Variants in ROBO1 observed in about 807,000 individuals in gnomAD.
The protein encoded by ROBO1 is roundabout guidance receptor 1.
ROBO1 carries 149 observed loss-of-function variants against 195.9 expected under a neutral mutation model. The ratio of observed to expected loss-of-function variants is 0.76; its 90% CI spans 0.67 to 0.87. The LOEUF (loss-of-function observed/expected upper bound fraction) is 0.87, where lower values mean the gene tolerates loss of function less well. Among genes scored for constraint, ROBO1 ranks in the 40% least tolerant of loss-of-function variants. The pLI, the probability that ROBO1 is intolerant of heterozygous loss-of-function variation, is 0.00. For synonymous variants in ROBO1, 816 were observed against 733.2 expected, an observed-to-expected ratio of 1.11 and a Z score of -1.82; for missense variants, 1,933 against 2,068.3, an observed-to-expected ratio of 0.93 and a Z score of 1.27.
intron 5 of ROBO1, among the ~76,000 whole-genome samples, chr3:78,723,548 T>C (rs766880965): frequency 3.9e-5 from 6 of 152,196 alleles, no homozygotes; most frequent in Non-Finnish European, 7.3e-5. Flanking sequence ...TAGATCATTA[T>C]TATTTCCTCC....
At chr3:79,486,127 G>A (rs1939146621) in intron 2 of ROBO1, among the ~76,000 whole-genome samples, 1 of 152,042 alleles carries the variant, frequency 6.6e-6, no homozygotes. Flanking sequence ...TAACCTTAAA[G>A]ATTCAATAAA....
chr3:78,738,877 C>T (rs2082456274), intron 5 of ROBO1, among the ~76,000 whole-genome samples: 1 of 152,088 alleles, frequency 6.6e-6, no homozygotes, highest in Non-Finnish European at 1.5e-5. Context: ...AAAATAGTTA[C>T]TGATTGGATA....
chr3:79,680,620 T>C (rs542141982), intron 1 of ROBO1, among the ~76,000 whole-genome samples: 1 of 152,154 alleles, frequency 6.6e-6, no homozygotes, highest in East Asian at 1.9e-4. Flanking sequence ...CTGGGTGTTT[T>C]TCATCCAAGC....
chr3:79,328,950 G>A (rs1424944902), intron 2 of ROBO1, among the ~76,000 whole-genome samples: 1 of 152,130 alleles, frequency 6.6e-6, no homozygotes, highest in Non-Finnish European at 1.5e-5. Context: ...CAAACTGAAT[G>A]AGGTTTGAGA....
rs370814223 is a variant in ROBO1 at position 78,720,421 on chromosome 3, G to A, written c.658-2538C>T. Among the ~76,000 whole-genome samples the A allele has an allele frequency of 1.1e-4, 17 of 152,238 alleles. No individual in the cohort carries two copies. In the East Asian group the frequency reaches 1.9e-3, roughly 17 times the overall value. Reference sequence around the variant, plus strand: ...ACCATCTCACACCAGTTAGAATGGCGATCATTAAAAAGTCAGGAAACAACA... The same window carrying A: ...ACCATCTCACACCAGTTAGAATGGCAATCATTAAAAAGTCAGGAAACAACA... On this transcript the variant is annotated intron_variant, in intron 5 of 30. Transcript: ENST00000464233.
chr3:79,200,836 A>G (rs1433138977), intron 2 of ROBO1, among the ~76,000 whole-genome samples: 1 of 152,000 alleles, frequency 6.6e-6, no homozygotes, highest in Non-Finnish European at 1.5e-5. Flanking sequence ...AATCTTTTGT[A>G]GTTATAGTTA....
At chr3:78,898,332 T>TAG (rs2037365460) in intron 4 of ROBO1, among the ~76,000 whole-genome samples, 1 of 147,892 alleles carries the variant, frequency 6.8e-6, no homozygotes, top group South Asian at 2.1e-4. Context: ...ACTATATATA[T>TAG]AGAGAGAGAG....
At chr3:78,868,426 T>A (rs1474668736) in intron 4 of ROBO1, among the ~76,000 whole-genome samples, 1 of 152,140 alleles carries the variant, frequency 6.6e-6, no homozygotes, top group Non-Finnish European at 1.5e-5. Flanking sequence ...AATACCCTAC[T>A]TAAATAATAA....
At chr3:78,608,478 A>T (rs1240782989) in intron 28 of ROBO1, among the ~76,000 whole-genome samples, 2 of 152,114 alleles carry the variant, frequency 1.3e-5, no homozygotes, top group East Asian at 1.9e-4. Context: ...TCTAGAAAAA[A>T]TTTTTTTAAT....
At chr3:79,426,282 G>A (rs1166752507) in intron 2 of ROBO1, among the ~76,000 whole-genome samples, 6 of 152,060 alleles carry the variant, frequency 3.9e-5, no homozygotes, top group Non-Finnish European at 8.8e-5. Flanking sequence ...CATAATATAC[G>A]CAAGTCCAGG....
intron 1 of ROBO1, among the ~76,000 whole-genome samples, chr3:79,677,642 C>T (rs543615055): frequency 1.3e-5 from 2 of 152,120 alleles, no homozygotes; most frequent in South Asian, 2.1e-4. Flanking sequence ...GGACATGGGG[C>T]GAAACCATAT....
rs143656069 is a variant in ROBO1 at position 79,152,053 on chromosome 3, G to C, written c.89-26514C>G. ...TATTAAGTGATGTCTCCTTTCACTG[G>C]AATATAAACTTCGTAAGAACAAGGC... On this transcript the variant is annotated intron_variant, in intron 2 of 30. Coordinates refer to ENST00000464233, the MANE Select transcript of ROBO1 (RefSeq NM_002941.4). Among the ~76,000 whole-genome samples the C allele has an allele frequency of 3.6e-4, 55 of 151,656 alleles. 1 individual carries two copies. The highest frequency in any genetic ancestry group is 7.2e-4 in the Admixed American group (11 of 15,192).
rs570052286 is a variant in ROBO1, at chr3:79,055,127, C to T, written c.172+70329G>A. Among the ~76,000 whole-genome samples the T allele has an allele frequency of 5.5e-4, 84 of 152,196 alleles. 1 individual carries two copies. In the South Asian group the frequency reaches 0.017, roughly 31 times the overall value. ...TGGGCCTGGTGTTAGGTGGGGCATC[C>T]ACCTCTGCTAAAGGAATCACCATTC... On this transcript the variant is annotated intron_variant, in intron 3 of 30. Coordinates refer to ENST00000464233, the MANE Select transcript of ROBO1 (RefSeq NM_002941.4).
intron 4 of ROBO1, among the ~76,000 whole-genome samples, chr3:78,936,080 C>T (rs550187415): frequency 1.3e-5 from 2 of 152,020 alleles, no homozygotes; most frequent in East Asian, 1.9e-4. Context: ...AATAAATAAT[C>T]CCCCAAATAA....
chr3:79,588,876 T>G, intron 2 of ROBO1, among the ~76,000 whole-genome samples: 1 of 151,740 alleles, frequency 6.6e-6, no homozygotes, highest in Non-Finnish European at 1.5e-5. Flanking sequence ...CTCCCTTATC[T>G]TCTAGGTCAA....
chr3:78,772,295 T>G (rs545313850), intron 4 of ROBO1, among the ~76,000 whole-genome samples: 12 of 152,194 alleles, frequency 7.9e-5, no homozygotes, highest in African/African-American at 2.4e-4. Flanking sequence ...CAAACACATT[T>G]GACCATGCTA....
intron 1 of ROBO1, among the ~76,000 whole-genome samples, chr3:79,713,770 A>G (rs113607323): frequency 0.013 from 1,949 of 152,202 alleles, 37 homozygotes; most frequent in African/African-American, 0.044. Context: ...TAATTTTTGT[A>G]TAAGACGTAA....
intron 1 of ROBO1, among the ~76,000 whole-genome samples, chr3:79,713,009 G>A (rs999854730): frequency 2.6e-5 from 4 of 152,002 alleles, no homozygotes; most frequent in Admixed American, 6.6e-5. Flanking sequence ...CATGTGCCAT[G>A]TTGGTGTGCT....
chr3:79,483,309 T>C (rs113244822), intron 2 of ROBO1, among the ~76,000 whole-genome samples: 52 of 152,306 alleles, frequency 3.4e-4, no homozygotes, highest in African/African-American at 3.4e-4. Context: ...GAAAGGAAAG[T>C]GTTAGAGTGT....
Sources: allele counts gnomAD v4.1 joint callset (sites outside exome capture counted in the v4.1 genomes callset), GRCh38; gene constraint gnomAD v4.1.1; transcripts MANE v1.5; gene names NCBI Gene and HGNC (gene_info 2026-07-23, HGNC 2026-07-21).